RSRP1: variants seen among roughly 807,000 people sequenced by gnomAD.
RSRP1 encodes the protein arginine/serine-rich protein 1.
RSRP1 carries 37 observed loss-of-function variants against 33.0 expected under a neutral mutation model. The ratio of observed to expected loss-of-function variants is 1.12; its 90% CI spans 0.86 to 1.48. The LOEUF (loss-of-function observed/expected upper bound fraction) is 1.48. Among genes scored for constraint, RSRP1 ranks in the 40% most tolerant of loss-of-function variants. The probability of loss-of-function intolerance (pLI) is 0.00; values close to 1 mark genes in which losing one functional copy is unlikely to be tolerated. For missense variants in RSRP1, 402 were observed against 385.3 expected (o/e 1.04, Z -0.36); for synonymous variants, 167 against 158.7 (o/e 1.05, Z -0.40).
chr1:25,286,655 G>A (rs1571611887), intron 1 of RSRP1, among the ~76,000 whole-genome samples: 2 of 134,174 alleles, frequency 1.5e-5, no homozygotes, highest in African/African-American at 5.2e-5. Flanking sequence ...GCGTGGTGGT[G>A]GGCGCCTGTA....
intron 1 of RSRP1, among the ~76,000 whole-genome samples, chr1:25,330,724 C>T (rs2517981): frequency 0.28 from 36,210 of 129,980 alleles, 12,120 homozygotes; most frequent in Middle Eastern, 0.6. Context: ...AATCCTTAAG[C>T]GTTGTATTAG....
At chr1:25,292,880 G>A (rs1239194580) in intron 1 of RSRP1, among the ~76,000 whole-genome samples, 2 of 121,178 alleles carry the variant, frequency 1.7e-5, no homozygotes, top group East Asian at 4.0e-4. Context: ...GCATTTTAGA[G>A]GGGGGACATG....
At position 25,311,391 on chromosome 1, in the gene RSRP1, G is replaced by A. The variant is rs1429128674; in HGVS notation, c.-67+26587C>T. On this transcript the variant is annotated intron_variant, in intron 1 of 1. Coordinates refer to the RSRP1 transcript ENST00000561867. Reference sequence around the variant, plus strand: ...TACACATAAATTAGCCAGGCGTGGTGGTGGGCGCCTGTATTCCCAGCTACC... The same window carrying A: ...TACACATAAATTAGCCAGGCGTGGTAGTGGGCGCCTGTATTCCCAGCTACC... 3.1e-5 allele frequency among the ~76,000 whole-genome samples: 4 copies of A among 131,056 alleles called. 2 individuals are homozygous for A. Among genetic ancestry groups the A allele is most frequent in the Non-Finnish European group, 7.2e-5 (4 of 55,340 alleles). 86.0% of individuals were successfully genotyped at this position (131,056 alleles called of 152,430 possible).
chr1:25,315,979 G>C lies in RSRP1; in HGVS notation c.-67+21999C>G, dbSNP rs150464482. 1.6e-4 allele frequency among the ~76,000 whole-genome samples: 21 copies of C among 131,448 alleles called. 4 individuals carry two copies. Among genetic ancestry groups the C allele is most frequent in the East Asian group, 7.8e-4 (4 of 5,106 alleles). The allele number at this position is 131,448 out of a possible 152,430, so 86.2% of individuals were successfully genotyped here. A position where few individuals can be genotyped will look rare whatever the true frequency, so the allele number is the denominator to read the frequency against. On this transcript the variant is annotated intron_variant, in intron 1 of 1. Transcript: ENST00000561867. ...CATGAGGCTGCAGGCTTGGAGCTTT[G>C]CTTTGTCTTAAAAATGAGAACATGA...
chr1:25,261,761 G>C lies in RSRP1; in HGVS notation c.-66-14732C>G, dbSNP rs545718718. 1.5e-3 allele frequency among the ~76,000 whole-genome samples: 217 copies of C among 144,828 alleles called. 1 individual carries two copies. Among genetic ancestry groups the C allele is most frequent in the African/African-American group, 4.7e-3 (182 of 38,388 alleles). On this transcript the variant is annotated intron_variant, in intron 1 of 1. Transcript: ENST00000561867. ...GAGTCTTGCTGTGTTGCCCAGCCTG[G>C]AGTGCAGTGTTATGATTTTGGCTCA...
At chr1:25,262,476 A>G (rs749914200) in intron 1 of RSRP1, among the ~76,000 whole-genome samples, 55 of 152,332 alleles carry the variant, frequency 3.6e-4, no homozygotes, top group Middle Eastern at 3.4e-3. Flanking sequence ...GGGTTCGCCA[A>G]AGAGACACAG....
chr1:25,322,076 A>G, intron 1 of RSRP1: 1 of 577,444 alleles, frequency 1.7e-6, no homozygotes, highest in African/African-American at 1.8e-5. Flanking sequence ...AAAATGGAGT[A>G]AGGAGCATTG....
At chr1:25,285,477 T>C (rs375667087) in intron 1 of RSRP1, among the ~76,000 whole-genome samples, 1 of 135,030 alleles carries the variant, frequency 7.4e-6, no homozygotes, top group African/African-American at 2.6e-5. Flanking sequence ...AGCCCCCTAA[T>C]GCTGCTAGAC....
chr1:25,244,928 C>G, intron 3 of RSRP1: 1 of 1,391,540 alleles, frequency 7.2e-7, no homozygotes, highest in Non-Finnish European at 9.3e-7. Flanking sequence ...AAGCCATCTG[C>G]CTCATTACAG....
At chr1:25,307,761 G>T (rs775582110) in intron 1 of RSRP1, 1 of 1,305,940 alleles carries the variant, frequency 7.7e-7, no homozygotes, top group South Asian at 1.3e-5. Flanking sequence ...CCGGTTCTTG[G>T]ATGCCTTCTA....
intron 1 of RSRP1, chr1:25,290,643 T>C: frequency 7.3e-7 from 1 of 1,377,874 alleles, no homozygotes; most frequent in Admixed American, 1.8e-5. Flanking sequence ...TCCCCCAGTA[T>C]TCGGCTGGCC....
intron 1 of RSRP1, among the ~76,000 whole-genome samples, chr1:25,258,754 ATCTT>A (rs1640028255): frequency 6.6e-6 from 1 of 152,232 alleles, no homozygotes; most frequent in African/African-American, 2.4e-5. Context: ...ATAAAGAATT[ATCTT>A]TCTTTCTGGA....
rs1246146587 is a variant in RSRP1 at position 25,319,901 on chromosome 1, T to C, written c.-67+18077A>G. ...GCCTAACAGAGGAAGAGAAATTCTT[T>C]TTTTTTTCTTTTTTTAGACGCAGTT... On this transcript the variant is annotated intron_variant, in intron 1 of 1. Coordinates refer to the RSRP1 transcript ENST00000561867. 2.3e-5 allele frequency among the ~76,000 whole-genome samples: 3 copies of C among 131,058 alleles called. 1 individual carries two copies. The highest frequency in any genetic ancestry group is 2.2e-4 in the Admixed American group (3 of 13,434). 86.0% of individuals were successfully genotyped at this position (131,058 alleles called of 152,430 possible). A position where few individuals can be genotyped will look rare whatever the true frequency, so the allele number is the denominator to read the frequency against.
chr1:25,256,354 A>G (rs1368054512), intron 1 of RSRP1, among the ~76,000 whole-genome samples: 2 of 152,182 alleles, frequency 1.3e-5, no homozygotes, highest in Non-Finnish European at 2.9e-5. Context: ...AAGTCCATGT[A>G]GCCCAGGCTG....
rs1642241312 is a variant in RSRP1, at chr1:25,288,578, A to G, written c.-66-41549T>C. On this transcript the variant is annotated intron_variant, in intron 1 of 1. Coordinates refer to the RSRP1 transcript ENST00000561867. ...TCCTTTATTGTGCTTGACGTATATC[A>G]ACTCACTTTGCCCTTACCGTGGCTC... Among the ~76,000 whole-genome samples, 5 of 126,038 alleles carry G rather than the reference A, an allele frequency of 4.0e-5. 1 individual carries two copies. The highest frequency in any genetic ancestry group is 3.9e-4 in the Admixed American group (5 of 12,808). 82.7% of individuals were successfully genotyped at this position (126,038 alleles called of 152,430 possible). A position where few individuals can be genotyped will look rare whatever the true frequency, so the allele number is the denominator to read the frequency against.
At chr1:25,248,007 G>A (rs1334534168), upstream of RSRP1, 1 of 152,384 alleles carries the variant, frequency 6.6e-6, no homozygotes. Context: ...GGCGCCAGGA[G>A]AAGGCGACCG....
In RSRP1 at chr1:25,247,399, CCTG is replaced by C. The variant is rs1315217371; in HGVS notation, c.-160_-158del. ...GTAAGACGAAGTGGGGCTTTTAGTCCCTGCTTTCGAACGGCGAATTCCACAACC... is the reference window on the plus strand; with the variant it reads ...GTAAGACGAAGTGGGGCTTTTAGTCCCTTTCGAACGGCGAATTCCACAACC... On this transcript the variant is annotated 5_prime_UTR_variant, in exon 1 of 5. Transcript: ENST00000243189. 1 of 169,408 alleles carries C rather than the reference CCTG, an allele frequency of 5.9e-6. No homozygotes were observed. Among genetic ancestry groups the C allele is most frequent in the African/African-American group, 2.4e-5 (1 of 42,074 alleles). The allele number at this position is 169,408 out of a possible 1,614,324, so 10.5% of individuals were successfully genotyped here. A position where few individuals can be genotyped will look rare whatever the true frequency, so the allele number is the denominator to read the frequency against.
rs376795548 is a variant in RSRP1 at position 25,261,705 on chromosome 1, ATTT to A, written c.-66-14679_-66-14677del. Among the ~76,000 whole-genome samples, 165 of 93,672 alleles carry A rather than the reference ATTT, an allele frequency of 1.8e-3. 1 individual carries two copies. The highest frequency in any genetic ancestry group is 1.2e-3 in the East Asian group (4 of 3,246). The allele number at this position is 93,672 out of a possible 152,430, so 61.5% of individuals were successfully genotyped here. A position where few individuals can be genotyped will look rare whatever the true frequency, so the allele number is the denominator to read the frequency against. On this transcript the variant is annotated intron_variant, in intron 1 of 1. Coordinates refer to the RSRP1 transcript ENST00000561867. ...AGGCATGAGCCACCGCGCCCAGCAGATTTTTTTTTTTTTTTTTTTTTTTTGAGA... is the reference window on the plus strand; with the variant it reads ...AGGCATGAGCCACCGCGCCCAGCAGATTTTTTTTTTTTTTTTTTTTTGAGA...
At chr1:25,316,491 A>C in intron 1 of RSRP1, among the ~76,000 whole-genome samples, 1 of 119,292 alleles carries the variant, frequency 8.4e-6, no homozygotes, top group Non-Finnish European at 2.0e-5. Context: ...ATGGTGGCGC[A>C]TGCCTGTAGT....
Sources: gnomAD v4.1 joint callset for allele counts (sites outside exome capture counted in the v4.1 genomes callset) on GRCh38, gnomAD v4.1.1 for gene constraint, MANE v1.5 for transcripts, NCBI Gene and HGNC (gene_info 2026-07-23, HGNC 2026-07-21) for gene names.